PVT1: variants seen among roughly 807,000 people sequenced by gnomAD.
PVT1 encodes Pvt1 oncogene.
chr8:127,867,026 A>G (rs1815292946), intron 2 of PVT1, among the ~76,000 whole-genome samples: 1 of 152,250 alleles, frequency 6.6e-6, no homozygotes, highest in Non-Finnish European at 1.5e-5. Context: ...TGGGCAGTGC[A>G]TGGGCTGCTC....
intron 2 of PVT1, among the ~76,000 whole-genome samples, chr8:127,815,648 C>T (rs1814652236): frequency 6.6e-6 from 1 of 152,182 alleles, no homozygotes; most frequent in African/African-American, 2.4e-5. Context: ...GCGGAGGAGG[C>T]ACAGGGTACC....
intron 3 of PVT1, chr8:127,948,611 G>A (rs1816456397): frequency 6.6e-6 from 1 of 152,590 alleles, no homozygotes; most frequent in African/African-American, 2.4e-5. Context: ...CTGAGCTCAC[G>A]TGGCGGGGCT....
At chr8:127,817,546 T>TATATATATATATAC (rs1280832628) in intron 2 of PVT1, among the ~76,000 whole-genome samples, 2 of 89,934 alleles carry the variant, frequency 2.2e-5, no homozygotes, top group African/African-American at 3.9e-5. Context: ...TATATATATA[T>TATATATATATATAC]ACACACACAC....
At chr8:127,997,347 G>A (rs912463964) in intron 4 of PVT1, among the ~76,000 whole-genome samples, 5 of 151,952 alleles carry the variant, frequency 3.3e-5, no homozygotes, top group Admixed American at 3.3e-4. Context: ...GGCCGCTTCC[G>A]GTCTTTGGAT....
At chr8:127,876,054 A>T (rs1815401676) in intron 2 of PVT1, among the ~76,000 whole-genome samples, 1 of 152,200 alleles carries the variant, frequency 6.6e-6, no homozygotes, top group African/African-American at 2.4e-5. Flanking sequence ...AGCCAGGTTT[A>T]CTGAACAGAG....
At chr8:127,966,412 T>C (rs1023176386) in intron 3 of PVT1, among the ~76,000 whole-genome samples, 1 of 152,240 alleles carries the variant, frequency 6.6e-6, no homozygotes, top group Admixed American at 6.5e-5. Context: ...ACTAGTTCTT[T>C]TGCTGATTTC....
chr8:127,833,395 G>A (rs903701787), intron 2 of PVT1, among the ~76,000 whole-genome samples: 12 of 152,086 alleles, frequency 7.9e-5, no homozygotes, highest in African/African-American at 2.4e-4. Flanking sequence ...GGCCTCGCCC[G>A]GTCCTAGCCG....
intron 4 of PVT1, among the ~76,000 whole-genome samples, chr8:128,008,224 T>TA (rs1472470202): frequency 6.6e-6 from 1 of 152,224 alleles, no homozygotes. Context: ...CTTTTGTAGT[T>TA]ACTGTGAAAT....
At chr8:127,901,109 G>A (rs1169878255) in intron 3 of PVT1, among the ~76,000 whole-genome samples, 1 of 152,216 alleles carries the variant, frequency 6.6e-6, no homozygotes, top group Non-Finnish European at 1.5e-5. Flanking sequence ...AGATACTTGT[G>A]AAGAAGCCAA....
At chr8:127,929,288 C>T (rs570952776) in intron 3 of PVT1, among the ~76,000 whole-genome samples, 4 of 151,236 alleles carry the variant, frequency 2.6e-5, no homozygotes, top group South Asian at 2.1e-4. Context: ...TGTAGTCCCT[C>T]CTCAGACAGG....
chr8:127,917,182 C>T lies in PVT1; in HGVS notation n.782+26184C>T, dbSNP rs184592401. On this transcript the variant is annotated intron_variant and non_coding_transcript_variant, in intron 3 of 10. Transcript: ENST00000651587. ...TTCTGTCTCTTCCCCTTTCTGCCTG[C>T]GCTACCATCTAATCCATCCACGCAA... Among the ~76,000 whole-genome samples the T allele has an allele frequency of 9.9e-4, 151 of 152,234 alleles. 1 individual carries two copies. The highest frequency in any genetic ancestry group is 1.7e-3 in the Non-Finnish European group (115 of 68,018).
chr8:127,949,477 CCTGTTTTTGGGAGGGAG>C (rs1325333770), intron 3 of PVT1, among the ~76,000 whole-genome samples: 1 of 150,196 alleles, frequency 6.7e-6, no homozygotes, highest in African/African-American at 2.5e-5. Flanking sequence ...TTTCTTCCCT[CCTGTTTTTGGGAGGGAG>C]CTCAGCCTCC....
At chr8:127,889,145 T>A (rs1229982007) in intron 2 of PVT1, among the ~76,000 whole-genome samples, 1 of 151,386 alleles carries the variant, frequency 6.6e-6, no homozygotes, top group Non-Finnish European at 1.5e-5. Context: ...TCTTTTTTTT[T>A]TTGAGATAGA....
rs1008478289 is a variant in PVT1 at position 127,997,054 on chromosome 8, T to G, written n.912+7763T>G. On this transcript the variant is annotated intron_variant and non_coding_transcript_variant, in intron 4 of 10. Transcript: ENST00000651587. Reference sequence around the variant, plus strand: ...TGGTCATTTGCTTTCGTTTTTTTTTTTTGTTTGTTTGTTTTTTGATACAGA... The same window carrying G: ...TGGTCATTTGCTTTCGTTTTTTTTTGTTGTTTGTTTGTTTTTTGATACAGA... Among the ~76,000 whole-genome samples, 9 of 133,558 alleles carry G rather than the reference T, an allele frequency of 6.7e-5. 1 individual carries two copies. Among genetic ancestry groups the G allele is most frequent in the Non-Finnish European group, 1.5e-4 (9 of 61,958 alleles). 87.6% of individuals were successfully genotyped at this position (133,558 alleles called of 152,430 possible).
chr8:127,903,024 A>G (rs1815777744), intron 3 of PVT1, among the ~76,000 whole-genome samples: 1 of 152,218 alleles, frequency 6.6e-6, no homozygotes, highest in Non-Finnish European at 1.5e-5. Flanking sequence ...TGCTCCTCAC[A>G]GTGGCTGGAC....
chr8:128,053,528 T>G (rs1385503984), intron 4 of PVT1, among the ~76,000 whole-genome samples: 2 of 152,030 alleles, frequency 1.3e-5, no homozygotes, highest in African/African-American at 4.8e-5. Flanking sequence ...GATGAGAATT[T>G]GATGTAGTCC....
chr8:127,807,943 T>C (rs1458898290), intron 2 of PVT1, among the ~76,000 whole-genome samples: 1 of 152,042 alleles, frequency 6.6e-6, no homozygotes, highest in Non-Finnish European at 1.5e-5. Flanking sequence ...AATTGTTTTG[T>C]ATTTTTAGTA....
rs559557264 is a variant in PVT1, at chr8:127,832,730, T to C, written n.372+36659T>C. On this transcript the variant is annotated intron_variant and non_coding_transcript_variant, in intron 2 of 10. Transcript: ENST00000651587. Reference sequence around the variant, plus strand: ...AAAATTAGCCGGGCGTGGTGGCGGGTGCCTGTAGTCCCAGCTACTTGGGAG... The same window carrying C: ...AAAATTAGCCGGGCGTGGTGGCGGGCGCCTGTAGTCCCAGCTACTTGGGAG... 1.8e-3 allele frequency among the ~76,000 whole-genome samples: 269 copies of C among 152,022 alleles called. 1 individual carries two copies. The highest frequency in any genetic ancestry group is 0.015 in the East Asian group (79 of 5,166).
intron 2 of PVT1, among the ~76,000 whole-genome samples, chr8:127,885,544 C>A (rs993618439): frequency 1.3e-5 from 2 of 152,096 alleles, no homozygotes; most frequent in African/African-American, 4.8e-5. Context: ...GTATTTTATA[C>A]CTCTTTTATA....
Sources: allele counts gnomAD v4.1 joint callset (sites outside exome capture counted in the v4.1 genomes callset), GRCh38; gene constraint gnomAD v4.1.1; transcripts MANE v1.5; gene names NCBI Gene and HGNC (gene_info 2026-07-23, HGNC 2026-07-21).